The following TMEM91 variants were observed in gnomAD, a reference collection of about 807,000 sequenced individuals.
The protein encoded by TMEM91 is transmembrane protein 91, also known as dispanin subfamily C member 3.
TMEM91 carries 6 observed loss-of-function variants against 13.3 expected under a neutral mutation model. That is an observed-to-expected ratio of 0.45 (90% CI 0.25 to 0.89). The LOEUF (loss-of-function observed/expected upper bound fraction) is 0.89, where lower values mean the gene tolerates loss of function less well. Among genes scored for constraint, TMEM91 ranks in the 40% least tolerant of loss-of-function variants. The pLI, the probability that TMEM91 is intolerant of heterozygous loss-of-function variation, is 0.19. For synonymous variants in TMEM91, 87 were observed against 101.7 expected (o/e 0.86, Z 0.87); for missense variants, 193 against 228.7 (o/e 0.84, Z 1.01).
intron 1 of TMEM91, among the ~76,000 whole-genome samples, chr19:41,377,591 C>T (rs1157062529): frequency 2.6e-5 from 4 of 151,362 alleles, no homozygotes; most frequent in Admixed American, 6.6e-5. Context: ...GGTGGTCACG[C>T]GGTATGAACC....
chr19:41,380,915 A>G (rs906802371), intron 2 of TMEM91, among the ~76,000 whole-genome samples: 1 of 23,852 alleles, frequency 4.2e-5, no homozygotes, highest in African/African-American at 1.8e-4. Flanking sequence ...CTCTGTCTCA[A>G]AAAAAAAAAA....
chr19:41,380,003 C>T (rs1281430891), intron 2 of TMEM91, among the ~76,000 whole-genome samples: 1 of 150,162 alleles, frequency 6.7e-6, no homozygotes, highest in East Asian at 2.0e-4. Flanking sequence ...CAAGCAAATT[C>T]CCCTGCCTCA....
At chr19:41,383,069 AT>A (rs1055439044) in intron 3 of TMEM91, 148 bp downstream of exon 3, 82 of 1,206,154 alleles carry the variant, frequency 6.8e-5, no homozygotes, top group South Asian at 2.5e-4. Flanking sequence ...TCTCTGCAAG[AT>A]TTTTTTTGAG....
intron 3 of TMEM91, 128 bp from the exon 4 acceptor site, chr19:41,383,587 G>A: frequency 1.9e-6 from 3 of 1,613,724 alleles, no homozygotes; most frequent in Non-Finnish European, 2.5e-6. Flanking sequence ...CCTATAGTAG[G>A]TGCTACGTAT....
upstream of TMEM91, among the ~76,000 whole-genome samples, chr19:41,372,521 T>G (rs777435271): frequency 1.5e-4 from 3 of 20,406 alleles, no homozygotes; most frequent in East Asian, 1.7e-3. Context: ...TTTATTGTTA[T>G]TTATTATTAT....
intron 1 of TMEM91, among the ~76,000 whole-genome samples, chr19:41,371,311 C>CTCCT (rs34140170): frequency 0.26 from 29,436 of 111,744 alleles, 4,559 homozygotes; most frequent in Admixed American, 0.38. Flanking sequence ...CCACTATCCT[C>CTCCT]TCCTTCCTTC....
Position 41,383,837 on chromosome 19 carries a change from C to A in TMEM91, c.483C>A (p.Thr161=). Residue 161 remains threonine (T), a synonymous_variant, in exon 4 of 4, where the codon ACC becomes ACA. Transcript: ENST00000392002. ...GVCTYAAALV[T]LAAYLASRDP... is the part of the protein sequence containing the mutation. ...GCACGTATGCGGCTGCCCTGGTGAC[C>A]CTGGCTGCCTACCTTGCCTCCCGAG... 6.2e-7 allele frequency: 1 copy of A among 1,609,310 alleles called. No individual in the cohort carries two copies. Among genetic ancestry groups the A allele is most frequent in the Admixed American group, 1.7e-5 (1 of 59,492 alleles).
upstream of TMEM91, chr19:41,376,359 C>G (rs1311066102): frequency 6.6e-6 from 1 of 152,206 alleles, no homozygotes; most frequent in Non-Finnish European, 1.5e-5. Context: ...GATTATGCCT[C>G]TTAGGGTTGT....
intron 2 of TMEM91, among the ~76,000 whole-genome samples, chr19:41,381,358 AT>A (rs34434786): frequency 0.48 from 54,057 of 112,754 alleles, 11,700 homozygotes; most frequent in Non-Finnish European, 0.52. Flanking sequence ...TGCCTAGCTA[AT>A]TTTTTTTTTT....
chr19:41,380,807 G>A (rs1324523307), intron 2 of TMEM91, among the ~76,000 whole-genome samples: 1 of 151,352 alleles, frequency 6.6e-6, no homozygotes, highest in Non-Finnish European at 1.5e-5. Context: ...CCAGCTATTC[G>A]GGAGGCTGAG....
intron 1 of TMEM91, among the ~76,000 whole-genome samples, chr19:41,369,822 AAAAT>A (rs1196342604): frequency 5.9e-5 from 9 of 152,094 alleles, no homozygotes; most frequent in Non-Finnish European, 8.8e-5. Flanking sequence ...TAAATAAATA[AAAAT>A]AAATAAATAA....
At chr19:41,370,058 A>G (rs886526033) in intron 1 of TMEM91, among the ~76,000 whole-genome samples, 3 of 151,766 alleles carry the variant, frequency 2.0e-5, no homozygotes, top group East Asian at 1.9e-4. Context: ...TTTTCTTTCA[A>G]TGTATTTATT....
chr19:41,383,830 T>C lies in TMEM91; in HGVS notation c.476T>C (p.Leu159Pro). 6.2e-7 allele frequency: 1 copy of C among 1,609,670 alleles called. No individual in the cohort carries two copies. Reference protein sequence around the residue: ...GLGVCTYAAALVTLAAYLASR... With the variant: ...GLGVCTYAAAPVTLAAYLASR... ...GGCGTGTGCACGTATGCGGCTGCCC[T>C]GGTGACCCTGGCTGCCTACCTTGCC... is the stretch of plus-strand genomic sequence containing the variant. Residue 159 changes from leucine to proline, a missense_variant, in exon 4 of 4, where the codon CTG becomes CCG. Physicochemically the swap from Leu to Pro is moderately conservative, Grantham distance 98. Coordinates refer to ENST00000392002, the MANE Select transcript of TMEM91 (RefSeq NM_001098821.2).
chr19:41,365,364 A>C (rs974689846), intron 1 of TMEM91, among the ~76,000 whole-genome samples: 1 of 152,158 alleles, frequency 6.6e-6, no homozygotes, highest in East Asian at 1.9e-4. Context: ...ATTGTTTAAT[A>C]TAAATGTTAT....
chr19:41,382,624 C>T (rs1410936663), intron 2 of TMEM91, 148 bp from the exon 3 acceptor site: 11 of 1,144,546 alleles, frequency 9.6e-6, no homozygotes, highest in Middle Eastern at 3.1e-4. Flanking sequence ...AAACAAACAC[C>T]GAAAGCCCAT....
At chr19:41,380,010 C>T (rs2038841586) in intron 2 of TMEM91, among the ~76,000 whole-genome samples, 1 of 151,254 alleles carries the variant, frequency 6.6e-6, no homozygotes, top group South Asian at 2.1e-4. Context: ...ATTCCCCTGC[C>T]TCAGCCTCCT....
chr19:41,374,810 C>A (rs2038679623), upstream of TMEM91, among the ~76,000 whole-genome samples: 1 of 152,028 alleles, frequency 6.6e-6, no homozygotes, highest in African/African-American at 2.4e-5. Context: ...ATGGAGAAAC[C>A]CCATCTCTAC....
At chr19:41,380,706 C>T (rs911813342) in intron 2 of TMEM91, among the ~76,000 whole-genome samples, 2 of 151,822 alleles carry the variant, frequency 1.3e-5, no homozygotes, top group Non-Finnish European at 2.9e-5. Flanking sequence ...GTCAGGAGTT[C>T]GAGACCAGCC....
chr19:41,371,359 T>TTCCTTCCG (rs1357983252), intron 1 of TMEM91, among the ~76,000 whole-genome samples: 2 of 147,762 alleles, frequency 1.4e-5, no homozygotes, highest in African/African-American at 2.5e-5. Context: ...CCTTCCTTCC[T>TTCCTTCCG]TCCTTCCTTC....
Sources: allele counts gnomAD v4.1 joint callset (sites outside exome capture counted in the v4.1 genomes callset), GRCh38; gene constraint gnomAD v4.1.1; transcripts MANE v1.5; gene names NCBI Gene and HGNC (gene_info 2026-07-23, HGNC 2026-07-21).